Variants in LATS2 observed in about 807,000 individuals in gnomAD.
The protein encoded by LATS2 is large tumor suppressor kinase 2.
LATS2 carries 24 observed loss-of-function variants against 76.0 expected under a neutral mutation model. The ratio of observed to expected loss-of-function variants is 0.32; its 90% CI spans 0.23 to 0.44. The LOEUF is 0.44. LATS2 is among the 20% of genes least tolerant of loss of function. LATS2 has a pLI of 1.00. For missense variants in LATS2, 1,286 were observed against 1,481.2 expected, an observed-to-expected ratio of 0.87 and a Z score of 2.16; for synonymous variants, 692 against 635.4, an observed-to-expected ratio of 1.09 and a Z score of -1.34.
chr13:21,013,227 G>C (rs1871668646), intron 2 of LATS2, among the ~76,000 whole-genome samples: 1 of 152,168 alleles, frequency 6.6e-6, no homozygotes. Flanking sequence ...CATGAAGCAG[G>C]CTGCCTCCCA....
At chr13:21,053,124 A>G (rs1873332942) in intron 1 of LATS2, among the ~76,000 whole-genome samples, 1 of 151,166 alleles carries the variant, frequency 6.6e-6, no homozygotes, top group Non-Finnish European at 1.5e-5. Flanking sequence ...AGTCCCAGCT[A>G]CTAGGGAGGC....
chr13:21,048,773 G>A (rs543380179), intron 1 of LATS2, among the ~76,000 whole-genome samples: 54 of 152,070 alleles, frequency 3.6e-4, no homozygotes, highest in Admixed American at 9.2e-4. Flanking sequence ...GGAGGCGGGG[G>A]TTGCAGTGAG....
intron 2 of LATS2, among the ~76,000 whole-genome samples, chr13:21,000,868 ATG>A (rs1871011727): frequency 6.6e-6 from 1 of 152,238 alleles, no homozygotes; most frequent in Non-Finnish European, 1.5e-5. Flanking sequence ...CTTAGTAACT[ATG>A]TACACAAATC....
intron 2 of LATS2, among the ~76,000 whole-genome samples, chr13:21,021,589 T>C (rs1237889294): frequency 6.6e-6 from 1 of 152,054 alleles, no homozygotes; most frequent in African/African-American, 2.4e-5. Flanking sequence ...CCAGTGTGTT[T>C]AAATTTCACA....
chr13:20,988,469 GGCCGTGACA>G lies in LATS2; in HGVS notation c.1302_1310del (p.Val435_Ala437del). On this transcript the variant is annotated inframe_deletion, in exon 4 of 8. Coordinates refer to ENST00000382592, the MANE Select transcript of LATS2 (RefSeq NM_014572.3). ...TCTTCACCGGGTGCAAGATGTGCGC[GGCCGTGACA>G]GCCGTCACGGTGTTGGGGGCGGGCA... 1 of 1,537,652 alleles carries G rather than the reference GGCCGTGACA, an allele frequency of 6.5e-7. No individual in the cohort carries two copies. The highest frequency in any genetic ancestry group is 8.7e-7 in the Non-Finnish European group (1 of 1,148,866).
chr13:21,040,540 C>T (rs1012580086), intron 2 of LATS2, among the ~76,000 whole-genome samples: 2 of 152,164 alleles, frequency 1.3e-5, no homozygotes, highest in Admixed American at 6.5e-5. Context: ...GGTGGTGATA[C>T]TTCCAACCAA....
chr13:21,015,380 G>T (rs1813791000), intron 2 of LATS2, among the ~76,000 whole-genome samples: 1 of 152,122 alleles, frequency 6.6e-6, no homozygotes, highest in Non-Finnish European at 1.5e-5. Flanking sequence ...GTGGGGACTG[G>T]ACATCATACT....
intron 1 of LATS2, among the ~76,000 whole-genome samples, chr13:21,052,886 A>G (rs1405347271): frequency 6.6e-6 from 1 of 152,150 alleles, no homozygotes; most frequent in Non-Finnish European, 1.5e-5. Context: ...GTGTATGTCA[A>G]AGGCACCGAT....
chr13:21,013,924 T>C (rs879543114), intron 2 of LATS2, among the ~76,000 whole-genome samples: 7 of 151,738 alleles, frequency 4.6e-5, no homozygotes, highest in Middle Eastern at 3.4e-3. Context: ...TGAGCTATGA[T>C]TGCACCACTG....
At chr13:21,014,600 C>T (rs543732833) in intron 2 of LATS2, among the ~76,000 whole-genome samples, 3 of 152,318 alleles carry the variant, frequency 2.0e-5, no homozygotes, top group South Asian at 2.1e-4. Context: ...GAAGGAACGA[C>T]GCTGACCATC....
chr13:21,027,315 T>A (rs1872345640), intron 2 of LATS2, among the ~76,000 whole-genome samples: 1 of 152,216 alleles, frequency 6.6e-6, no homozygotes, highest in South Asian at 2.1e-4. Context: ...TATCCTATGC[T>A]TTTTTCCCCA....
chr13:21,059,728 G>C (rs1450863474), intron 1 of LATS2, among the ~76,000 whole-genome samples: 1 of 152,250 alleles, frequency 6.6e-6, no homozygotes, highest in African/African-American at 2.4e-5. Flanking sequence ...CACTCTGGGA[G>C]ACGGAGGCAG....
Position 21,031,576 on chromosome 13 carries a change from G to T in LATS2, c.342+14109C>A, listed in dbSNP as rs189048695. ...GTAAAGATTTCCTGTCTGGGGCTGGGTGTGGTGGCTCATGCCTGTAATTCC... is the reference window on the plus strand; with the variant it reads ...GTAAAGATTTCCTGTCTGGGGCTGGTTGTGGTGGCTCATGCCTGTAATTCC... On this transcript the variant is annotated intron_variant, in intron 2 of 7. Transcript: ENST00000382592. Among the ~76,000 whole-genome samples, 18 of 152,294 alleles carry T rather than the reference G, an allele frequency of 1.2e-4. No homozygotes were observed. In the East Asian group the frequency reaches 2.9e-3, roughly 24 times the overall value.
intron 5 of LATS2, 47 bp from the exon 6 acceptor site, chr13:20,981,695 A>G: frequency 6.6e-7 from 1 of 1,505,362 alleles, no homozygotes. Flanking sequence ...CAAAATATAA[A>G]GTGAATTTTC....
intron 6 of LATS2, among the ~76,000 whole-genome samples, chr13:20,980,304 A>C (rs1869813716): frequency 6.6e-6 from 1 of 152,140 alleles, no homozygotes; most frequent in Non-Finnish European, 1.5e-5. Flanking sequence ...GCCCCTACGG[A>C]GCCGGGCCTT....
chr13:20,994,497 G>A (rs1474193119), intron 2 of LATS2, among the ~76,000 whole-genome samples: 3 of 152,192 alleles, frequency 2.0e-5, no homozygotes, highest in Non-Finnish European at 2.9e-5. Context: ...CACAGTCGGG[G>A]GAATGGCAAG....
chr13:21,026,189 C>T (rs1872306051), intron 2 of LATS2, among the ~76,000 whole-genome samples: 1 of 152,136 alleles, frequency 6.6e-6, no homozygotes, highest in Non-Finnish European at 1.5e-5. Context: ...AAGATGTATA[C>T]ACCAGTAAAA....
intron 2 of LATS2, among the ~76,000 whole-genome samples, chr13:21,038,012 G>A (rs1872739167): frequency 6.6e-6 from 1 of 152,196 alleles, no homozygotes; most frequent in Non-Finnish European, 1.5e-5. Context: ...CCAGCTACCT[G>A]GGTGGACCGC....
rs1869520478 is a variant in LATS2 at position 20,974,850 on chromosome 13, TG to T, written c.*19del. On this transcript the variant is annotated 3_prime_UTR_variant, in exon 8 of 8. Transcript: ENST00000382592. ...CCCTGACCTGGGAGGCAGCGAGTGG[TG>T]GGGGTGCCTGGCCCCCATCTACACG... The T allele has an allele frequency of 6.3e-7, 1 of 1,584,838 alleles. No homozygotes were observed. The highest frequency in any genetic ancestry group is 1.7e-5 in the Admixed American group (1 of 57,294).
Sources: allele counts gnomAD v4.1 joint callset (sites outside exome capture counted in the v4.1 genomes callset), GRCh38; gene constraint gnomAD v4.1.1; transcripts MANE v1.5; gene names NCBI Gene and HGNC (gene_info 2026-07-23, HGNC 2026-07-21).